Variants in C5orf58 observed in about 807,000 individuals in gnomAD.
The protein encoded by C5orf58 is putative uncharacterized protein C5orf58.
A neutral mutation model predicts 2.9 loss-of-function variants in C5orf58; 2 were observed. The ratio of observed to expected loss-of-function variants is 0.69; its 90% confidence interval spans 0.28 to 2.18. The LOEUF is 2.18. C5orf58 is among the 30% of genes most tolerant of loss of function. C5orf58 has a pLI of 0.13. For missense variants in C5orf58, 96 were observed against 91.7 expected, an observed-to-expected ratio of 1.05 and a Z score of -0.19; for synonymous variants, 37 against 33.4, an observed-to-expected ratio of 1.11 and a Z score of -0.37.
chr5:170,245,922 A>C (rs1389347163), intron 3 of C5orf58, 40 bp from the exon 4 acceptor site: 1 of 1,569,106 alleles, frequency 6.4e-7, no homozygotes. Flanking sequence ...TTTATGACAT[A>C]TGTGCTACAA....
At chr5:170,241,331 G>T (rs199709878) in intron 3 of C5orf58, among the ~76,000 whole-genome samples, 7,583 of 145,218 alleles carry the variant, frequency 0.052, 407 homozygotes, top group African/African-American at 0.18. Flanking sequence ...TTGGTAGCTT[G>T]ATGGGGATGG....
At chr5:170,244,402 A>C (rs1236264763) in intron 3 of C5orf58, among the ~76,000 whole-genome samples, 2 of 148,820 alleles carry the variant, frequency 1.3e-5, no homozygotes, top group African/African-American at 5.0e-5. Context: ...TCTCCCCATC[A>C]CTTTCAGGTA....
chr5:170,244,419 T>C (rs1188061227), intron 3 of C5orf58, among the ~76,000 whole-genome samples: 1 of 148,266 alleles, frequency 6.7e-6, no homozygotes, highest in African/African-American at 2.5e-5. Context: ...GGTACACCAA[T>C]CAGACGTAGA....
At chr5:170,251,628 T>A (rs752724954) in intron 2 of C5orf58, 34 of 456,084 alleles carry the variant, frequency 7.5e-5, no homozygotes, top group South Asian at 5.3e-4. Flanking sequence ...ATGACTTTCC[T>A]TTGTTCCTTT....
chr5:170,239,776 A>ATT (rs528804523), intron 3 of C5orf58, among the ~76,000 whole-genome samples: 2 of 149,442 alleles, frequency 1.3e-5, no homozygotes, highest in Non-Finnish European at 3.0e-5. Flanking sequence ...CATAAATCTT[A>ATT]TTTTTTTTTT....
At chr5:170,251,199 A>C (rs374992541), downstream of C5orf58, 1 of 244,776 alleles carries the variant, frequency 4.1e-6, no homozygotes, top group East Asian at 1.0e-4. Context: ...GGTTGAGTGG[A>C]TAAAAGGCCA....
chr5:170,249,390 C>CTA (rs200081642), downstream of C5orf58, among the ~76,000 whole-genome samples: 264 of 141,252 alleles, frequency 1.9e-3, 1 homozygote, highest in East Asian at 3.8e-3. Flanking sequence ...ATCTACATAT[C>CTA]TATATATATA....
exon 3 of C5orf58, chr5:170,251,765 A>G (rs1392210957): frequency 1.9e-5 from 8 of 418,850 alleles, no homozygotes; most frequent in Non-Finnish European, 3.5e-5. Flanking sequence ...GAGCTGACAC[A>G]GCACCCCCAG....
chr5:170,250,834 A>G, downstream of C5orf58: 5 of 1,612,940 alleles, frequency 3.1e-6, no homozygotes, highest in South Asian at 2.2e-5. Flanking sequence ...ATGAGGACAT[A>G]TGGATTGGTT....
chr5:170,250,277 C>T (rs894440848), downstream of C5orf58, among the ~76,000 whole-genome samples: 8 of 152,170 alleles, frequency 5.3e-5, no homozygotes, highest in African/African-American at 1.9e-4. Context: ...GCGATCTGGC[C>T]ATCCTCACAG....
At chr5:170,250,627 T>A (rs967514065), downstream of C5orf58, 53 of 889,284 alleles carry the variant, frequency 6.0e-5, no homozygotes, top group Non-Finnish European at 8.9e-5. Flanking sequence ...GATTTAATCC[T>A]AAATTTGCCA....
Position 170,246,155 on chromosome 5 carries a change from C to A in C5orf58, c.*42C>A. Reference sequence around the variant, plus strand: ...AGTTTCTGTTTTATTGTTGAACTAACAAATATTTGGGAGAGTTGAGTTTAC... The same window carrying A: ...AGTTTCTGTTTTATTGTTGAACTAAAAAATATTTGGGAGAGTTGAGTTTAC... On this transcript the variant is annotated 3_prime_UTR_variant, in exon 4 of 4. Transcript: ENST00000593851. The A allele has an allele frequency of 6.5e-7, 1 of 1,528,692 alleles. No homozygotes were observed. The highest frequency in any genetic ancestry group is 8.9e-7 in the Non-Finnish European group (1 of 1,119,478). The allele number at this position is 1,528,692 out of a possible 1,614,324, so 94.7% of individuals were successfully genotyped here.
chr5:170,248,685 G>A (rs538560828), downstream of C5orf58: 12 of 1,573,138 alleles, frequency 7.6e-6, no homozygotes, highest in African/African-American at 7.7e-5. Context: ...TCATTTGCTC[G>A]GCTATAACTT....
At position 170,235,050 on chromosome 5, in the gene C5orf58, C is replaced by T. The variant is rs750803989; in HGVS notation, c.74C>T (p.Ser25Leu). 12 of 1,503,586 alleles carry T rather than the reference C, an allele frequency of 8.0e-6. No individual in the cohort carries two copies. Among genetic ancestry groups the T allele is most frequent in the East Asian group, 4.6e-5 (2 of 43,206 alleles). The allele number at this position is 1,503,586 out of a possible 1,614,324, so 93.1% of individuals were successfully genotyped here. A position where few individuals can be genotyped will look rare whatever the true frequency, so the allele number is the denominator to read the frequency against. Residue 25 changes from serine to leucine, a missense_variant, in exon 3 of 4, where the codon TCG (serine) becomes TTG (leucine). Transcript: ENST00000593851. ...ATTAAAAATATTAACACAATTTCTT[C>T]GGAGTTGAAGAAGATAAAAGGTAAG... Reference protein sequence around the residue: ...KVIKNINTISSELKKIKELSQ... With the variant: ...KVIKNINTISLELKKIKELSQ...
At chr5:170,247,608 A>G (rs1263644047), downstream of C5orf58, 2 of 152,234 alleles carry the variant, frequency 1.3e-5, no homozygotes, top group Admixed American at 1.3e-4. Context: ...CTGAATGCCT[A>G]TATTTTTTGT....
At chr5:170,248,792 C>T (rs1333940718), downstream of C5orf58, 1 of 1,611,830 alleles carries the variant, frequency 6.2e-7, no homozygotes, top group Non-Finnish European at 8.5e-7. Context: ...CTGAAGTAGT[C>T]AATAATATCT....
At chr5:170,248,853 T>C (rs1761360032), downstream of C5orf58, 1 of 1,606,474 alleles carries the variant, frequency 6.2e-7, no homozygotes, top group Non-Finnish European at 8.5e-7. Context: ...TGAGTCAACA[T>C]TGGAATGAAA....
At chr5:170,246,302 G>C, downstream of C5orf58, 1 of 480,316 alleles carries the variant, frequency 2.1e-6, no homozygotes. Flanking sequence ...GCAAGTGTAT[G>C]ACATAGGAAA....
chr5:170,251,152 A>G, downstream of C5orf58: 1 of 355,732 alleles, frequency 2.8e-6, no homozygotes, highest in East Asian at 5.7e-5. Context: ...GCCTCCTGAT[A>G]AAAACGGAAT....
Sources: allele counts gnomAD v4.1 joint callset (sites outside exome capture counted in the v4.1 genomes callset), GRCh38; gene constraint gnomAD v4.1.1; transcripts MANE v1.5; gene names NCBI Gene and HGNC (gene_info 2026-07-23, HGNC 2026-07-21).